DMD: variants seen among roughly 807,000 people sequenced by gnomAD.
DMD encodes the protein dystrophin.
DMD carries 63 observed loss-of-function variants against 330.1 expected under a neutral mutation model. The observed-to-expected ratio is 0.19, with a 90% CI of 0.16 to 0.24. The LOEUF is 0.24. DMD is among the 10% of genes least tolerant of loss of function. DMD has a pLI of 1.00. For synonymous variants in DMD, 1,223 were observed against 959.8 expected, an observed-to-expected ratio of 1.27 and a Z score of -5.07; for missense variants, 3,344 against 2,684.1, an observed-to-expected ratio of 1.25 and a Z score of -5.43.
chrX:31,164,701 C>G (rs1024917598), intron 74 of DMD, among the ~76,000 whole-genome samples: 2 of 111,008 alleles, frequency 1.8e-5, no homozygotes, highest in Non-Finnish European at 3.8e-5. Flanking sequence ...TCGCTCTTTT[C>G]AAAGTTACCC....
intron 7 of DMD, among the ~76,000 whole-genome samples, chrX:32,700,325 G>T (rs1279586232): frequency 9.0e-5 from 10 of 111,251 alleles, no homozygotes; most frequent in Non-Finnish European, 1.7e-4. Context: ...AGAAAGATAA[G>T]TACCACATGA....
At position 32,973,075 on chromosome X, in the gene DMD, G is replaced by A. The variant is rs375806672; in HGVS notation, c.93+47064C>T. 8.1e-5 allele frequency among the ~76,000 whole-genome samples: 9 copies of A among 111,244 alleles called. No homozygotes were observed. In the East Asian group the frequency reaches 1.4e-3, roughly 18 times the overall value. The stretch of plus-strand genomic sequence containing the variant: ...GCTCCCATGATTCTTGGTGCCAAAC[G>A]TTTTGGTTTAAATTCAGTAACTCCA... On this transcript the variant is annotated intron_variant, in intron 2 of 78. Coordinates refer to ENST00000357033, the MANE Select transcript of DMD (RefSeq NM_004006.3).
chrX:32,758,771 G>A (rs1215021319), intron 7 of DMD, among the ~76,000 whole-genome samples: 1 of 111,275 alleles, frequency 9.0e-6, no homozygotes, highest in African/African-American at 3.3e-5. Flanking sequence ...AATAAAGGGT[G>A]GCTATTATTT....
chrX:32,100,956 C>T lies in DMD; in HGVS notation c.6438+115960G>A, dbSNP rs764961277. On this transcript the variant is annotated intron_variant, in intron 44 of 78. Transcript: ENST00000357033. ...CATTTGTCTTTATTTCTTTAAGTTT[C>T]TCGAGGCAAATATTTAGTGTTACAG... Among the ~76,000 whole-genome samples, 108 of 111,510 alleles carry T rather than the reference C, an allele frequency of 9.7e-4. 1 individual carries two copies. The highest frequency in any genetic ancestry group is 3.5e-3 in the African/African-American group (108 of 30,712).
At position 31,141,503 on chromosome X, in the gene DMD, T is replaced by C. The variant is rs189887818; in HGVS notation, c.10921+4788A>G. The stretch of plus-strand genomic sequence containing the variant: ...GGAACCAATTAGGAAAGTATTCATA[T>C]TGTCTGTTCAGGTAACACATGATGA... On this transcript the variant is annotated intron_variant, in intron 76 of 78. Coordinates refer to ENST00000357033, the MANE Select transcript of DMD (RefSeq NM_004006.3). Among the ~76,000 whole-genome samples the C allele has an allele frequency of 3.2e-3, 357 of 111,886 alleles. 2 individuals are homozygous for C. The highest frequency in any genetic ancestry group is 0.011 in the African/African-American group (337 of 30,795).
chrX:31,645,902 A>AT (rs1459652796), intron 54 of DMD, among the ~76,000 whole-genome samples: 12 of 111,761 alleles, frequency 1.1e-4, no homozygotes, highest in Non-Finnish European at 2.1e-4. Flanking sequence ...TTACCTAATC[A>AT]TTTTTTCATC....
chrX:32,210,933 C>A (rs2147814883), intron 44 of DMD, among the ~76,000 whole-genome samples: 1 of 111,966 alleles, frequency 8.9e-6, no homozygotes, highest in Non-Finnish European at 1.9e-5. Flanking sequence ...GTCACTCCAA[C>A]TCCATTGTGC....
intron 55 of DMD, among the ~76,000 whole-genome samples, chrX:31,526,629 G>A (rs950911443): frequency 1.8e-5 from 2 of 111,660 alleles, no homozygotes; most frequent in Non-Finnish European, 3.8e-5. Context: ...TTTAAGACCT[G>A]GATTTGTCCA....
chrX:33,015,140 T>C (rs1430092848), intron 2 of DMD, among the ~76,000 whole-genome samples: 1 of 111,477 alleles, frequency 9.0e-6, no homozygotes, highest in Non-Finnish European at 1.9e-5. Context: ...AGAACTACCA[T>C]TCAACCTAGC....
At chrX:32,769,636 GAATT>G (rs1270871447) in intron 7 of DMD, among the ~76,000 whole-genome samples, 4 of 111,687 alleles carry the variant, frequency 3.6e-5, no homozygotes, top group Admixed American at 1.9e-4. Flanking sequence ...ATTTAAATAA[GAATT>G]AATAGAATTC....
chrX:31,131,237 G>A (rs2034445832), intron 77 of DMD, among the ~76,000 whole-genome samples: 1 of 112,206 alleles, frequency 8.9e-6, no homozygotes, highest in South Asian at 3.7e-4. Flanking sequence ...AGATCACATA[G>A]ATTAGTATTT....
chrX:32,723,916 A>G (rs1399069405), intron 7 of DMD, among the ~76,000 whole-genome samples: 1 of 111,284 alleles, frequency 9.0e-6, no homozygotes, highest in African/African-American at 3.3e-5. Context: ...ATGTTTTAAG[A>G]AAGTGGGTGA....
At position 32,586,342 on chromosome X, in the gene DMD, C is replaced by CTA. The variant is rs201458431; in HGVS notation, c.1602+9413_1602+9414dup. ...AATATATATATACTGCTTATATAAA[C>CTA]TATATACATATATAAACCATTCTCT... On this transcript the variant is annotated intron_variant, in intron 13 of 78. Transcript: ENST00000357033. Among the ~76,000 whole-genome samples the CTA allele has an allele frequency of 6.9e-3, 750 of 108,173 alleles. 5 individuals carry two copies. The highest frequency in any genetic ancestry group is 0.024 in the African/African-American group (707 of 29,592). 93.9% of individuals were successfully genotyped at this position (108,173 alleles called of 115,157 possible).
intron 51 of DMD, among the ~76,000 whole-genome samples, chrX:31,755,145 T>C (rs2088953930): frequency 9.0e-6 from 1 of 111,546 alleles, no homozygotes; most frequent in African/African-American, 3.3e-5. Flanking sequence ...CTATTTTTTA[T>C]CACAGTCAAC....
intron 47 of DMD, among the ~76,000 whole-genome samples, chrX:31,893,157 C>A (rs994146984): frequency 7.2e-5 from 8 of 111,872 alleles, no homozygotes; most frequent in African/African-American, 2.3e-4. Context: ...AAGAGGTTTT[C>A]TTATTAACAT....
At chrX:32,504,871 CTT>C (rs2044460217) in intron 18 of DMD, among the ~76,000 whole-genome samples, 1 of 110,586 alleles carries the variant, frequency 9.0e-6, no homozygotes, top group African/African-American at 3.3e-5. Context: ...CACATTTACT[CTT>C]GAATCCAAAA....
rs1491313783 is a variant in DMD at position 33,009,929 on chromosome X, CAT to C, written c.93+10208_93+10209del. Among the ~76,000 whole-genome samples the C allele has an allele frequency of 2.5e-4, 13 of 51,480 alleles. 3 individuals carry two copies. Among genetic ancestry groups the C allele is most frequent in the East Asian group, 9.3e-4 (1 of 1,070 alleles). 44.7% of individuals were successfully genotyped at this position (51,480 alleles called of 115,157 possible). ...GTATATGTGTATATGTGTGTATACA[CAT>C]GTGTGTATATACACGTGTGTATGTG... On this transcript the variant is annotated intron_variant, in intron 2 of 78. Coordinates refer to ENST00000357033, the MANE Select transcript of DMD (RefSeq NM_004006.3).
intron 7 of DMD, among the ~76,000 whole-genome samples, chrX:32,732,468 A>G (rs1275247077): frequency 6.0e-4 from 66 of 110,795 alleles, no homozygotes; most frequent in Admixed American, 2.9e-3. Flanking sequence ...TGTCAGATTC[A>G]CCAAAGTTGA....
chrX:31,240,158 A>C (rs2048106817), intron 63 of DMD, among the ~76,000 whole-genome samples: 2 of 110,818 alleles, frequency 1.8e-5, no homozygotes, highest in Admixed American at 1.9e-4. Flanking sequence ...AACTCTCCAT[A>C]GTGCAAGTTT....
Sources: allele counts gnomAD v4.1 joint callset (sites outside exome capture counted in the v4.1 genomes callset), GRCh38; gene constraint gnomAD v4.1.1; transcripts MANE v1.5; gene names NCBI Gene and HGNC (gene_info 2026-07-23, HGNC 2026-07-21).